DTNB: variants seen among roughly 807,000 people sequenced by gnomAD.
DTNB encodes DTN-B.
A neutral mutation model predicts 90.7 loss-of-function variants in DTNB; 63 were observed. The ratio of observed to expected loss-of-function variants is 0.69; its 90% confidence interval spans 0.57 to 0.86. The LOEUF (loss-of-function observed/expected upper bound fraction) is 0.86. Ranked by LOEUF, DTNB falls within the 40% of genes least tolerant of loss-of-function variation. The pLI, the probability that DTNB is intolerant of heterozygous loss-of-function variation, is 0.00. For missense variants in DTNB, 744 were observed against 807.1 expected, an observed-to-expected ratio of 0.92 and a Z score of 0.95; for synonymous variants, 277 against 286.7, an observed-to-expected ratio of 0.97 and a Z score of 0.34.
chr2:25,583,254 A>T (rs1032102159), intron 6 of DTNB, among the ~76,000 whole-genome samples: 2 of 142,958 alleles, frequency 1.4e-5, no homozygotes, highest in Admixed American at 1.4e-4. Context: ...CTCAAAAAAA[A>T]AAAAAAAAAT....
At chr2:25,662,681 AACAC>A (rs35136841) in intron 1 of DTNB, among the ~76,000 whole-genome samples, 60 of 104,526 alleles carry the variant, frequency 5.7e-4, no homozygotes, top group Middle Eastern at 4.6e-3. Flanking sequence ...CACACACACA[AACAC>A]ACACACACAC....
At chr2:25,468,599 G>A (rs1490815593) in intron 10 of DTNB, among the ~76,000 whole-genome samples, 2 of 152,142 alleles carry the variant, frequency 1.3e-5, no homozygotes, top group Non-Finnish European at 2.9e-5. Context: ...ATAAAGCCAA[G>A]TTTAAGAAAT....
At chr2:25,497,011 G>A (rs1387614054) in intron 9 of DTNB, among the ~76,000 whole-genome samples, 2 of 152,166 alleles carry the variant, frequency 1.3e-5, no homozygotes, top group Non-Finnish European at 2.9e-5. Flanking sequence ...TTCACACTCT[G>A]TAGCAAAGCC....
At position 25,419,502 on chromosome 2, in the gene DTNB, G is replaced by T. The variant is rs377255984; in HGVS notation, c.1575+13C>A. On this transcript the variant is annotated intron_variant, in intron 16 of 20. Coordinates refer to ENST00000406818, the MANE Select transcript of DTNB (RefSeq NM_021907.5). ...GAGCGAGAGTCCGGCGGGAAATTCC[G>T]AAGTTCACTTACTGCCTGCTTTTGC... 3 of 1,558,632 alleles carry T rather than the reference G, an allele frequency of 1.9e-6. No homozygotes were observed. Among genetic ancestry groups the T allele is most frequent in the Non-Finnish European group, 2.6e-6 (3 of 1,150,924 alleles).
chr2:25,442,077 G>A (rs988186703), intron 12 of DTNB, among the ~76,000 whole-genome samples: 2 of 152,096 alleles, frequency 1.3e-5, no homozygotes, highest in African/African-American at 4.8e-5. Flanking sequence ...CTCATATTTG[G>A]CAAGTTCGCC....
At chr2:25,603,623 A>G (rs1401565280) in intron 5 of DTNB, among the ~76,000 whole-genome samples, 1 of 152,218 alleles carries the variant, frequency 6.6e-6, no homozygotes, top group Non-Finnish European at 1.5e-5. Context: ...AGAAAATCAT[A>G]GGAAAAATTC....
intron 9 of DTNB, among the ~76,000 whole-genome samples, chr2:25,520,617 T>C (rs1037071906): frequency 1.3e-5 from 2 of 152,228 alleles, no homozygotes; most frequent in African/African-American, 2.4e-5. Flanking sequence ...TTTAAAGTTG[T>C]TATGAATAAG....
chr2:25,426,350 C>A lies in DTNB; in HGVS notation c.1554+1185G>T, dbSNP rs116122942. On this transcript the variant is annotated intron_variant, in intron 15 of 20. Coordinates refer to ENST00000406818, the MANE Select transcript of DTNB (RefSeq NM_021907.5). ...CACTGAGGACTTGGATAGAAGAAATCGCTTGGGTGTAGCTCTAGTTTGTAC... is the reference window on the plus strand; with the variant it reads ...CACTGAGGACTTGGATAGAAGAAATAGCTTGGGTGTAGCTCTAGTTTGTAC... Among the ~76,000 whole-genome samples the A allele has an allele frequency of 4.5e-3, 678 of 152,280 alleles. 4 individuals carry two copies. Among genetic ancestry groups the A allele is most frequent in the African/African-American group, 0.016 (656 of 41,544 alleles).
intron 1 of DTNB, among the ~76,000 whole-genome samples, chr2:25,666,491 G>A (rs2084477506): frequency 1.3e-5 from 2 of 152,146 alleles, no homozygotes; most frequent in Admixed American, 1.3e-4. Context: ...ACTTATTCTT[G>A]TACTGGAAGG....
chr2:25,520,365 C>T (rs2075936040), intron 9 of DTNB, among the ~76,000 whole-genome samples: 1 of 152,200 alleles, frequency 6.6e-6, no homozygotes, highest in African/African-American at 2.4e-5. Context: ...GAGCAAGACT[C>T]CGTCTCAAAC....
rs1309474462 is a variant in DTNB, at chr2:25,387,590, G to C, written c.1736-212C>G. The stretch of plus-strand genomic sequence containing the variant: ...CTCTCCCTCTGCCCTCTCTACCTAG[G>C]GAGCAGCATCCTGTCAACTCCACGC... On this transcript the variant is annotated intron_variant, in intron 17 of 20. Transcript: ENST00000406818. The surrounding 1 kb of genome is among the most constrained non-coding windows in gnomAD (Gnocchi z 4.5). Among the ~76,000 whole-genome samples, 1 of 152,124 alleles carries C rather than the reference G, an allele frequency of 6.6e-6. No homozygotes were observed. The highest frequency in any genetic ancestry group is 6.5e-5 in the Admixed American group (1 of 15,272).
At chr2:25,538,456 G>A (rs769220839) in intron 8 of DTNB, among the ~76,000 whole-genome samples, 1 of 152,026 alleles carries the variant, frequency 6.6e-6, no homozygotes, top group Non-Finnish European at 1.5e-5. Context: ...TGTTTGTACA[G>A]TTTTCTTTTT....
rs780542534 is a variant in DTNB, at chr2:25,388,283, A to G, written c.1654T>C (p.Ser552Pro). 1.2e-4 allele frequency: 194 copies of G among 1,612,626 alleles called. No homozygotes were observed. Among genetic ancestry groups the G allele is most frequent in the Non-Finnish European group, 1.6e-4 (190 of 1,179,482 alleles). The stretch of plus-strand genomic sequence containing the variant: ...CAGTGGGTGGGGGTGGAGCCGGCAG[A>G]CGTGGAGCGCACTGGCATGGGCATT... ...RPMPMPVRST[S>P]AGSTPTHCPQ... The change falls in exon 17 of 21, where the codon TCT becomes CCT. Residue 552 changes from serine to proline, a missense_variant. Physicochemically the swap from Ser to Pro is moderately conservative, Grantham distance 74 (BLOSUM62 -1). Coordinates refer to ENST00000406818, the MANE Select transcript of DTNB (RefSeq NM_021907.5).
At chr2:25,625,928 G>A (rs748186317) in intron 4 of DTNB, among the ~76,000 whole-genome samples, 8 of 152,070 alleles carry the variant, frequency 5.3e-5, no homozygotes, top group Non-Finnish European at 7.4e-5. Flanking sequence ...AGAGGTTCCC[G>A]AGAACTCCTT....
At chr2:25,468,702 T>G (rs897716003) in intron 10 of DTNB, among the ~76,000 whole-genome samples, 1 of 152,220 alleles carries the variant, frequency 6.6e-6, no homozygotes, top group South Asian at 2.1e-4. Flanking sequence ...ACAATGCTCT[T>G]GCCTTGCCTT....
At position 25,383,869 on chromosome 2, in the gene DTNB, CT is replaced by C; in HGVS notation, c.1845del (p.Glu616LysfsTer97). The C allele has an allele frequency of 6.2e-7, 1 of 1,614,060 alleles. No individual in the cohort carries two copies. Among genetic ancestry groups the C allele is most frequent in the Non-Finnish European group, 8.5e-7 (1 of 1,179,892 alleles). ...ELHSAEEGAE[E>X]EEEKMQNGKD... is the part of the protein sequence containing the mutation. ...TTCCCATTCTGCATCTTCTCTTCTTCTTCCTCTGCACCTTCCTCTGCTGTGA... is the reference window on the plus strand; with the variant it reads ...TTCCCATTCTGCATCTTCTCTTCTTCTCCTCTGCACCTTCCTCTGCTGTGA... On this transcript the variant is annotated frameshift_variant, in exon 19 of 21. Coordinates refer to ENST00000406818, the MANE Select transcript of DTNB (RefSeq NM_021907.5). LOFTEE classifies it high-confidence loss of function.
At chr2:25,475,855 C>T (rs1299709398) in intron 10 of DTNB, among the ~76,000 whole-genome samples, 4 of 152,138 alleles carry the variant, frequency 2.6e-5, no homozygotes, top group Non-Finnish European at 4.4e-5. Flanking sequence ...GATGACAGCA[C>T]ATCTGTTTAC....
chr2:25,546,738 G>A (rs1376918180), intron 8 of DTNB, among the ~76,000 whole-genome samples: 1 of 152,168 alleles, frequency 6.6e-6, no homozygotes, highest in East Asian at 1.9e-4. Context: ...AATCCAGCGT[G>A]CATGTCTCTG....
In DTNB at chr2:25,641,151, T is replaced by A. The variant is rs371802857; in HGVS notation, c.68-2057A>T. Reference sequence around the variant, plus strand: ...TGCCATTGTTCCTTATGAACATGCATCACCATAAAGCCCAGTGGAAAAAGG... The same window carrying A: ...TGCCATTGTTCCTTATGAACATGCAACACCATAAAGCCCAGTGGAAAAAGG... On this transcript the variant is annotated intron_variant, in intron 2 of 20. Transcript: ENST00000406818. Among the ~76,000 whole-genome samples, 7 of 152,212 alleles carry A rather than the reference T, an allele frequency of 4.6e-5. No homozygotes were observed. The East Asian group carries it at 1.2e-3, about 25-fold the overall frequency.
Sources: gnomAD v4.1 joint callset for allele counts (sites outside exome capture counted in the v4.1 genomes callset) on GRCh38, gnomAD v4.1.1 for gene constraint, Gnocchi (gnomAD v3.1) non-coding constraint, MANE v1.5 for transcripts, NCBI Gene and HGNC (gene_info 2026-07-23, HGNC 2026-07-21) for gene names.